Variants in HS3ST5 observed in about 807,000 individuals in gnomAD.
HS3ST5 encodes the protein heparan sulfate glucosamine 3-O-sulfotransferase 5.
Under a neutral mutation model 25.4 loss-of-function variants are expected in HS3ST5, and 10 were observed. The observed-to-expected ratio is 0.39, with a 90% CI of 0.24 to 0.67. The LOEUF (loss-of-function observed/expected upper bound fraction) is 0.67, where lower values mean the gene tolerates loss of function less well. HS3ST5 is among the 30% of genes least tolerant of loss of function. The pLI, the probability that HS3ST5 is intolerant of heterozygous loss-of-function variation, is 0.44. For synonymous variants in HS3ST5, 170 were observed against 162.4 expected, an observed-to-expected ratio of 1.05 and a Z score of -0.36; for missense variants, 324 against 420.7, an observed-to-expected ratio of 0.77 and a Z score of 2.01.
intron 3 of HS3ST5, among the ~76,000 whole-genome samples, chr6:114,076,769 A>C (rs1774164064): frequency 6.6e-6 from 1 of 152,232 alleles, no homozygotes; most frequent in Non-Finnish European, 1.5e-5. Flanking sequence ...AACAGGGCAC[A>C]AAAAGCAGTG....
At chr6:114,227,424 C>A (rs1255605200) in intron 2 of HS3ST5, among the ~76,000 whole-genome samples, 3 of 151,614 alleles carry the variant, frequency 2.0e-5, no homozygotes, top group Non-Finnish European at 4.4e-5. Flanking sequence ...TCTTATTGAA[C>A]CTTTAACATC....
intron 2 of HS3ST5, among the ~76,000 whole-genome samples, chr6:114,211,274 T>C (rs1039267476): frequency 2.7e-4 from 41 of 152,350 alleles, no homozygotes; most frequent in African/African-American, 9.6e-4. Context: ...AAATTTTTAA[T>C]TGGAGAATGG....
At chr6:114,141,482 T>C (rs1319830500) in intron 3 of HS3ST5, among the ~76,000 whole-genome samples, 1 of 152,204 alleles carries the variant, frequency 6.6e-6, no homozygotes, top group Non-Finnish European at 1.5e-5. Flanking sequence ...AGAAATATGC[T>C]AAATGTGTGC....
At chr6:114,308,871 G>C (rs1235664883) in intron 1 of HS3ST5, among the ~76,000 whole-genome samples, 1 of 152,158 alleles carries the variant, frequency 6.6e-6, no homozygotes. Context: ...CCAAGTTGGT[G>C]AGACACAGTT....
chr6:114,326,537 C>T (rs189303804), intron 1 of HS3ST5, among the ~76,000 whole-genome samples: 1 of 152,108 alleles, frequency 6.6e-6, no homozygotes. Context: ...TGAACTAGCA[C>T]AGTAATTAGA....
intron 4 of HS3ST5, chr6:114,059,183 T>G (rs1018467161): frequency 6.6e-6 from 1 of 152,340 alleles, no homozygotes; most frequent in East Asian, 1.9e-4. Flanking sequence ...ACATATATGG[T>G]TAGCAAATTG....
chr6:114,244,527 C>A (rs547879921), intron 1 of HS3ST5, among the ~76,000 whole-genome samples: 1 of 152,254 alleles, frequency 6.6e-6, no homozygotes, highest in East Asian at 1.9e-4. Context: ...CATTTTTAGA[C>A]ATAAATGTTA....
At chr6:114,093,712 A>T (rs1582592955) in intron 3 of HS3ST5, among the ~76,000 whole-genome samples, 3 of 152,108 alleles carry the variant, frequency 2.0e-5, no homozygotes, top group South Asian at 4.2e-4. Flanking sequence ...TGCATGGACA[A>T]CCCAAGCTGG....
intron 3 of HS3ST5, among the ~76,000 whole-genome samples, chr6:114,067,847 G>A (rs1773552767): frequency 6.6e-6 from 1 of 152,148 alleles, no homozygotes; most frequent in South Asian, 2.1e-4. Flanking sequence ...TGGATTGGGA[G>A]TCAAAAGACC....
chr6:114,058,315 T>C, intron 4 of HS3ST5, 125 bp from the exon 5 acceptor site: 1 of 685,392 alleles, frequency 1.5e-6, no homozygotes, highest in Non-Finnish European at 2.4e-6. Flanking sequence ...CTGCAATCCA[T>C]AATGAACATA....
chr6:114,170,467 G>A (rs1373356857), intron 2 of HS3ST5, among the ~76,000 whole-genome samples: 1 of 152,004 alleles, frequency 6.6e-6, no homozygotes, highest in African/African-American at 2.4e-5. Context: ...ACTATTTTCT[G>A]TTGCAGTAGT....
At chr6:114,319,554 C>T (rs1775880131) in intron 1 of HS3ST5, among the ~76,000 whole-genome samples, 1 of 152,042 alleles carries the variant, frequency 6.6e-6, no homozygotes, top group Non-Finnish European at 1.5e-5. Context: ...ACCCTGGGTA[C>T]ATATATCATA....
chr6:114,097,880 A>T (rs1442952725), intron 3 of HS3ST5, among the ~76,000 whole-genome samples: 1 of 152,022 alleles, frequency 6.6e-6, no homozygotes, highest in Non-Finnish European at 1.5e-5. Context: ...ACAAAAATGG[A>T]GTAGTGAAAA....
Position 114,058,148 on chromosome 6 carries a change from GGC to G in HS3ST5, c.148_149del (p.Ala50ProfsTer5). 1.9e-6 allele frequency: 3 copies of G among 1,611,108 alleles called. No individual in the cohort carries two copies. Among genetic ancestry groups the G allele is most frequent in the Non-Finnish European group, 2.5e-6 (3 of 1,177,630 alleles). ...ICPIEGRLGG[A>X]RTQAEFPLRA... ...GAAGTGGGAATTCAGCCTGAGTGCG[GGC>G]TCCACCCAGTCGACCTTCAATGGGG... On this transcript the variant is annotated frameshift_variant, in exon 5 of 5. Transcript: ENST00000312719. LOFTEE classifies it high-confidence loss of function.
rs74733009 is a variant in HS3ST5 at position 114,209,529 on chromosome 6, G to A, written c.-145+19056C>T. ...TCTTCTCACCAACTCATTAAGCAGT[G>A]TTAGAATAAATGATTTGGTATTCAA... On this transcript the variant is annotated intron_variant, in intron 2 of 4. Transcript: ENST00000312719. Among the ~76,000 whole-genome samples, 560 of 152,056 alleles carry A rather than the reference G, an allele frequency of 3.7e-3. 2 individuals are homozygous for A. The highest frequency in any genetic ancestry group is 0.013 in the African/African-American group (541 of 41,478).
chr6:114,272,212 T>C (rs1773665947), intron 1 of HS3ST5, among the ~76,000 whole-genome samples: 1 of 152,282 alleles, frequency 6.6e-6, no homozygotes, highest in East Asian at 1.9e-4. Flanking sequence ...AATTTTGGAT[T>C]GAATCCTAGA....
Position 114,170,103 on chromosome 6 carries a change from G to A in HS3ST5, c.-144-1641C>T, listed in dbSNP as rs536249193. Reference sequence around the variant, plus strand: ...AAGAGCTAACAAAAAATGATTTTAAGAGAGAGCCCTTTAAAAGACATTTTA... The same window carrying A: ...AAGAGCTAACAAAAAATGATTTTAAAAGAGAGCCCTTTAAAAGACATTTTA... On this transcript the variant is annotated intron_variant, in intron 2 of 4. Coordinates refer to ENST00000312719, the MANE Select transcript of HS3ST5 (RefSeq NM_153612.4). Among the ~76,000 whole-genome samples the A allele has an allele frequency of 6.6e-5, 10 of 152,230 alleles. 3 individuals are homozygous for A. The highest frequency in any genetic ancestry group is 2.4e-4 in the African/African-American group (10 of 41,570).
chr6:114,102,181 T>C (rs989686055), intron 3 of HS3ST5, among the ~76,000 whole-genome samples: 2 of 152,198 alleles, frequency 1.3e-5, no homozygotes, highest in African/African-American at 4.8e-5. Flanking sequence ...AACCTGTACA[T>C]GTACTCATGA....
intron 3 of HS3ST5, among the ~76,000 whole-genome samples, chr6:114,151,410 GC>G (rs1778445802): frequency 6.6e-6 from 1 of 152,144 alleles, no homozygotes; most frequent in Non-Finnish European, 1.5e-5. Flanking sequence ...TTTGTTTTAG[GC>G]CCGCTGACTC....
Sources: gnomAD v4.1 joint callset for allele counts (sites outside exome capture counted in the v4.1 genomes callset) on GRCh38, gnomAD v4.1.1 for gene constraint, MANE v1.5 for transcripts, NCBI Gene and HGNC (gene_info 2026-07-23, HGNC 2026-07-21) for gene names.